The following SLX4IP variants were observed in gnomAD, a reference collection of about 807,000 sequenced individuals.
The protein encoded by SLX4IP is protein SLX4IP.
Under a neutral mutation model 32.9 loss-of-function variants are expected in SLX4IP, and 34 were observed. The observed-to-expected ratio is 1.03, with a 90% confidence interval of 0.79 to 1.38. The LOEUF is 1.38. Ranked by LOEUF, SLX4IP falls within the 40% of genes most tolerant of loss-of-function variation. SLX4IP has a pLI of 0.00. For synonymous variants in SLX4IP, 172 were observed against 171.7 expected, an observed-to-expected ratio of 1.00 and a Z score of -0.01; for missense variants, 444 against 479.0, an observed-to-expected ratio of 0.93 and a Z score of 0.68.
At chr20:10,508,122 A>G (rs1021049683) in intron 2 of SLX4IP, among the ~76,000 whole-genome samples, 4 of 152,236 alleles carry the variant, frequency 2.6e-5, no homozygotes, top group African/African-American at 9.6e-5. Flanking sequence ...TAGAGAAGAG[A>G]GCCAGCCTTA....
At chr20:10,568,544 G>A (rs926431702) in intron 4 of SLX4IP, among the ~76,000 whole-genome samples, 8 of 152,230 alleles carry the variant, frequency 5.3e-5, no homozygotes, top group African/African-American at 1.9e-4. Context: ...AGACTCATCT[G>A]TGTTCTGCTT....
intron 1 of SLX4IP, among the ~76,000 whole-genome samples, chr20:10,457,499 G>A (rs977302837): frequency 4.0e-5 from 6 of 150,298 alleles, no homozygotes; most frequent in South Asian, 4.2e-4. Context: ...TATTAATAGA[G>A]TGTATTATAT....
chr20:10,599,138 G>A (rs1018657982), intron 5 of SLX4IP, among the ~76,000 whole-genome samples: 9 of 152,148 alleles, frequency 5.9e-5, no homozygotes, highest in Non-Finnish European at 1.3e-4. Context: ...CTAGGTGTGT[G>A]ATGAGGCCAC....
rs1568784076 is a variant in SLX4IP, at chr20:10,626,076, GCGATCTTGGCTC to G, written c.*2698_*2709del. ...GTCGCCCAGGCTGGAGTGCAGTGGG[GCGATCTTGGCTC>G]ACTGCAAGCTCCGCCTCCTGGGTTC... is the stretch of plus-strand genomic sequence containing the variant. On this transcript the variant is annotated 3_prime_UTR_variant, in exon 8 of 8. Coordinates refer to ENST00000334534, the MANE Select transcript of SLX4IP (RefSeq NM_001009608.3). 1 of 147,752 alleles carries G rather than the reference GCGATCTTGGCTC, an allele frequency of 6.8e-6. No individual in the cohort carries two copies. Among genetic ancestry groups the G allele is most frequent in the African/African-American group, 2.5e-5 (1 of 40,066 alleles). The allele number at this position is 147,752 out of a possible 1,614,324, so 9.2% of individuals were successfully genotyped here. A position where few individuals can be genotyped will look rare whatever the true frequency, so the allele number is the denominator to read the frequency against.
intron 4 of SLX4IP, among the ~76,000 whole-genome samples, chr20:10,596,601 T>C (rs1456013137): frequency 6.6e-6 from 1 of 152,220 alleles, no homozygotes; most frequent in Non-Finnish European, 1.5e-5. Context: ...GCCTCCTGAA[T>C]CTTAATCACT....
At chr20:10,606,884 C>T (rs1422356098) in intron 6 of SLX4IP, among the ~76,000 whole-genome samples, 1 of 152,050 alleles carries the variant, frequency 6.6e-6, no homozygotes, top group Non-Finnish European at 1.5e-5. Flanking sequence ...TACATGAAGA[C>T]TTCTTATCTA....
intron 6 of SLX4IP, among the ~76,000 whole-genome samples, chr20:10,606,397 G>T (rs2066906288): frequency 6.6e-6 from 1 of 152,048 alleles, no homozygotes; most frequent in Non-Finnish European, 1.5e-5. Context: ...CTCTATTTTT[G>T]TGTTTAGAAA....
intron 3 of SLX4IP, among the ~76,000 whole-genome samples, chr20:10,559,190 A>C (rs1051404272): frequency 2.6e-5 from 4 of 151,946 alleles, no homozygotes; most frequent in Non-Finnish European, 5.9e-5. Flanking sequence ...ATGCCGAAAC[A>C]CTCAACTGTA....
intron 2 of SLX4IP, among the ~76,000 whole-genome samples, chr20:10,500,318 G>A (rs558452740): frequency 1.7e-3 from 259 of 151,820 alleles, no homozygotes; most frequent in African/African-American, 5.8e-3. Context: ...TAGTAGAGAC[G>A]AGGTTTCACC....
intron 3 of SLX4IP, among the ~76,000 whole-genome samples, chr20:10,559,407 G>T (rs1308140635): frequency 6.6e-6 from 1 of 152,162 alleles, no homozygotes; most frequent in African/African-American, 2.4e-5. Context: ...TAAAAATTTT[G>T]TTGTTTTAAT....
rs147383736 is a variant in SLX4IP at position 10,531,290 on chromosome 20, T to C, written c.28-24941T>C. Among the ~76,000 whole-genome samples the C allele has an allele frequency of 6.6e-5, 10 of 152,348 alleles. No homozygotes were observed. The South Asian group carries it at 1.2e-3, about 19-fold the overall frequency. ...ATGTAGATGGACAGATACAGTTTCA[T>C]GAATGATTGGAAACATGGTATATTC... On this transcript the variant is annotated intron_variant, in intron 2 of 7. Coordinates refer to ENST00000334534, the MANE Select transcript of SLX4IP (RefSeq NM_001009608.3).
chr20:10,509,770 C>T (rs1055667770), intron 2 of SLX4IP, among the ~76,000 whole-genome samples: 5 of 151,876 alleles, frequency 3.3e-5, no homozygotes, highest in Admixed American at 6.6e-5. Flanking sequence ...GATCATAGCT[C>T]ACTACAAAGC....
intron 1 of SLX4IP, among the ~76,000 whole-genome samples, chr20:10,447,989 G>C (rs528130528): frequency 6.6e-6 from 1 of 151,944 alleles, no homozygotes; most frequent in African/African-American, 2.4e-5. Context: ...ACAGGTGTGA[G>C]CCACTGAACC....
At chr20:10,459,109 C>A (rs2065313861) in intron 2 of SLX4IP, among the ~76,000 whole-genome samples, 1 of 152,176 alleles carries the variant, frequency 6.6e-6, no homozygotes, top group African/African-American at 2.4e-5. Context: ...CTTTAATGAT[C>A]AGTGATGTTG....
intron 2 of SLX4IP, among the ~76,000 whole-genome samples, chr20:10,502,967 A>T (rs2065732025): frequency 1.3e-5 from 2 of 152,126 alleles, no homozygotes. Flanking sequence ...GGCTCTTTAG[A>T]CCTGATGGCT....
chr20:10,610,020 A>G (rs1380452864), intron 6 of SLX4IP, among the ~76,000 whole-genome samples: 1 of 152,158 alleles, frequency 6.6e-6, no homozygotes, highest in Non-Finnish European at 1.5e-5. Flanking sequence ...TAAGCCTCAC[A>G]ATGTCAAGTG....
intron 2 of SLX4IP, among the ~76,000 whole-genome samples, chr20:10,530,123 T>C (rs2065975819): frequency 6.6e-6 from 1 of 152,156 alleles, no homozygotes; most frequent in South Asian, 2.1e-4. Flanking sequence ...ATTTAGACTG[T>C]TTTGGGAAAC....
intron 2 of SLX4IP, among the ~76,000 whole-genome samples, chr20:10,487,639 C>T (rs1286602658): frequency 6.6e-6 from 1 of 152,148 alleles, no homozygotes; most frequent in Non-Finnish European, 1.5e-5. Flanking sequence ...CAGAAGGAGA[C>T]TGAGACCTGT....
intron 2 of SLX4IP, among the ~76,000 whole-genome samples, chr20:10,518,364 T>C: frequency 6.6e-6 from 1 of 151,532 alleles, no homozygotes; most frequent in Non-Finnish European, 1.5e-5. Context: ...TCTTTCTTTC[T>C]TTCTCTCTCT....
Sources: gnomAD v4.1 joint callset for allele counts (sites outside exome capture counted in the v4.1 genomes callset) on GRCh38, gnomAD v4.1.1 for gene constraint, MANE v1.5 for transcripts, NCBI Gene and HGNC (gene_info 2026-07-23, HGNC 2026-07-21) for gene names.